Variants in PRSS38 observed in about 807,000 individuals in gnomAD.
PRSS38 encodes marapsin 2.
Under a neutral mutation model 26.8 loss-of-function variants are expected in PRSS38, and 22 were observed. The observed-to-expected ratio is 0.82, with a 90% CI of 0.59 to 1.17. The LOEUF (loss-of-function observed/expected upper bound fraction) is 1.17, where lower values mean the gene tolerates loss of function less well. PRSS38 is among the 50% of genes most tolerant of loss of function. The pLI is 0.00. For missense variants in PRSS38, 427 were observed against 422.7 expected (o/e 1.01, Z -0.09); for synonymous variants, 175 against 172.1 (o/e 1.02, Z -0.13).
exon 5 of PRSS38, chr1:227,846,024 G>T: frequency 6.2e-7 from 1 of 1,614,188 alleles, no homozygotes; most frequent in South Asian, 1.1e-5. Flanking sequence ...GTGAGCTGGG[G>T]CCGAGGCTGC....
exon 3 of PRSS38, chr1:227,817,368 G>A (rs1298230407): frequency 5.6e-6 from 9 of 1,614,102 alleles, no homozygotes; most frequent in Admixed American, 3.3e-5. Context: ...TGCAGCTGAA[G>A]ACCCGCATTG....
chr1:227,832,732 A>T (rs1030113280), intron 3 of PRSS38, among the ~76,000 whole-genome samples: 1 of 152,214 alleles, frequency 6.6e-6, no homozygotes, highest in African/African-American at 2.4e-5. Context: ...CTACTTGCAG[A>T]TGACATGATC....
At chr1:227,840,089 G>T (rs1249341573) in intron 3 of PRSS38, among the ~76,000 whole-genome samples, 1 of 152,108 alleles carries the variant, frequency 6.6e-6, no homozygotes, top group Non-Finnish European at 1.5e-5. Context: ...GCTTGGTTCT[G>T]TGTTGTCTGT....
chr1:227,821,409 C>G (rs566294610), intron 3 of PRSS38, among the ~76,000 whole-genome samples: 1 of 152,076 alleles, frequency 6.6e-6, no homozygotes, highest in South Asian at 2.1e-4. Context: ...TATATTTGCC[C>G]GTGCATTTAC....
At chr1:227,826,892 T>C (rs1442990010) in intron 3 of PRSS38, among the ~76,000 whole-genome samples, 5 of 152,214 alleles carry the variant, frequency 3.3e-5, no homozygotes, top group African/African-American at 1.2e-4. Context: ...CATGAAAGAA[T>C]GTTTAATTTT....
At chr1:227,819,346 T>G (rs1190382621) in intron 3 of PRSS38, among the ~76,000 whole-genome samples, 1 of 152,216 alleles carries the variant, frequency 6.6e-6, no homozygotes, top group Non-Finnish European at 1.5e-5. Flanking sequence ...TTCATACTTT[T>G]TCTATGAATA....
chr1:227,818,295 T>A (rs1664951521), intron 3 of PRSS38, among the ~76,000 whole-genome samples: 1 of 152,162 alleles, frequency 6.6e-6, no homozygotes, highest in African/African-American at 2.4e-5. Flanking sequence ...TTTTAAAAAA[T>A]TATAGAAAAT....
chr1:227,817,463 G>T lies in PRSS38; in HGVS notation c.566G>T (p.Gly189Val), dbSNP rs1040092343. 6.2e-7 allele frequency: 1 copy of T among 1,614,078 alleles called. No homozygotes were observed. The highest frequency in any genetic ancestry group is 8.5e-7 in the Non-Finnish European group (1 of 1,180,052). ...GCCAATTGCTGGGCTACGGGATGGG[G>T]ACTAGTCTCAAAACAAGGTAGGAAT... The change falls in exon 3 of 5, where the codon GGA (glycine) becomes GTA (valine). Residue 189 changes from glycine (G) to valine (V), a missense_variant. Transcript: ENST00000366757.
intron 3 of PRSS38, among the ~76,000 whole-genome samples, chr1:227,833,503 G>C (rs1472587465): frequency 6.8e-6 from 1 of 146,520 alleles, no homozygotes; most frequent in African/African-American, 2.5e-5. Flanking sequence ...CTCTAGCCTG[G>C]GCAACAAGAG....
At chr1:227,840,897 T>C (rs1317557380) in intron 3 of PRSS38, among the ~76,000 whole-genome samples, 1 of 152,230 alleles carries the variant, frequency 6.6e-6, no homozygotes, top group African/African-American at 2.4e-5. Context: ...AGCCACCATC[T>C]TCCCGACCTC....
chr1:227,827,335 A>G (rs1241401818), intron 3 of PRSS38, among the ~76,000 whole-genome samples: 1 of 152,084 alleles, frequency 6.6e-6, no homozygotes. Flanking sequence ...TCGGTAGGCT[A>G]TTTATTACTG....
chr1:227,830,016 G>A (rs1417935147), intron 3 of PRSS38, among the ~76,000 whole-genome samples: 1 of 152,104 alleles, frequency 6.6e-6, no homozygotes, highest in Admixed American at 6.6e-5. Context: ...GTTATGAATA[G>A]GAGTAAGAAA....
chr1:227,825,926 T>C (rs1665067521), intron 3 of PRSS38, among the ~76,000 whole-genome samples: 2 of 152,328 alleles, frequency 1.3e-5, no homozygotes, highest in South Asian at 4.1e-4. Context: ...AGAATGTCAA[T>C]GGTAGTTTAA....
intron 3 of PRSS38, among the ~76,000 whole-genome samples, chr1:227,828,563 A>G (rs552220976): frequency 2.5e-3 from 375 of 152,254 alleles, no homozygotes; most frequent in African/African-American, 8.3e-3. Flanking sequence ...AGAAGGACCA[A>G]TTCCCCAGGG....
intron 3 of PRSS38, among the ~76,000 whole-genome samples, chr1:227,827,781 T>C (rs1665096807): frequency 6.6e-6 from 1 of 152,162 alleles, no homozygotes; most frequent in African/African-American, 2.4e-5. Context: ...AGTTGAGGTG[T>C]TAGGTTGTTA....
chr1:227,817,459 TG>T lies in PRSS38; in HGVS notation c.566del (p.Gly189AspfsTer2), dbSNP rs1558231559. 5 of 1,614,158 alleles carry T rather than the reference TG, an allele frequency of 3.1e-6. No homozygotes were observed. The highest frequency in any genetic ancestry group is 1.7e-6 in the Non-Finnish European group (2 of 1,180,038). On this transcript the variant is annotated frameshift_variant, in exon 3 of 5. Transcript: ENST00000366757. LOFTEE classifies it high-confidence loss of function. Reference sequence around the variant, plus strand: ...CAGTGCCAATTGCTGGGCTACGGGATGGGGACTAGTCTCAAAACAAGGTAGG... The same window carrying T: ...CAGTGCCAATTGCTGGGCTACGGGATGGGACTAGTCTCAAAACAAGGTAGG...
intron 3 of PRSS38, among the ~76,000 whole-genome samples, chr1:227,822,038 A>G (rs1478797776): frequency 4.0e-5 from 6 of 151,448 alleles, no homozygotes; most frequent in Non-Finnish European, 7.4e-5. Context: ...TTCCTTTCTA[A>G]TCCTTAGATT....
At chr1:227,820,203 T>TA (rs1331091713) in intron 3 of PRSS38, among the ~76,000 whole-genome samples, 1 of 151,898 alleles carries the variant, frequency 6.6e-6, no homozygotes, top group Non-Finnish European at 1.5e-5. Flanking sequence ...GTTTTTTTTT[T>TA]AAAGATTAAT....
At chr1:227,817,458 A>T (rs910447991) in exon 3 of PRSS38, 1 of 1,614,024 alleles carries the variant, frequency 6.2e-7, no homozygotes, top group Admixed American at 1.7e-5. Flanking sequence ...GGGCTACGGG[A>T]TGGGGACTAG....
Sources: allele counts gnomAD v4.1 joint callset (sites outside exome capture counted in the v4.1 genomes callset), GRCh38; gene constraint gnomAD v4.1.1; transcripts MANE v1.5; gene names NCBI Gene and HGNC (gene_info 2026-07-23, HGNC 2026-07-21).